Variants in LOC128125822 observed in about 807,000 individuals in gnomAD.
chr6:63,576,717 T>G, the LOC128125822 span: 1 of 624,682 alleles, frequency 1.6e-6, no homozygotes, highest in Non-Finnish European at 2.8e-6. Flanking sequence ...TGCTTCTTGT[T>G]AGGAGGTTCA....
chr6:63,579,293 T>C, the LOC128125822 span: 1 of 1,611,380 alleles, frequency 6.2e-7, no homozygotes, highest in Non-Finnish European at 8.5e-7. Flanking sequence ...TAATTGAAGG[T>C]GGAATGAAAT....
the LOC128125822 span, chr6:63,578,503 G>A: frequency 6.2e-7 from 1 of 1,612,188 alleles, no homozygotes. Context: ...CACTACTCTT[G>A]TGGAGAAAGA....
chr6:63,578,018 T>C, the LOC128125822 span, among the ~76,000 whole-genome samples: 1 of 151,942 alleles, frequency 6.6e-6, no homozygotes, highest in African/African-American at 2.4e-5. Context: ...AAGGAGTGAG[T>C]ATAATTGAGT....
chr6:63,576,855 A>G, the LOC128125822 span: 13 of 1,568,042 alleles, frequency 8.3e-6, no homozygotes, highest in Admixed American at 5.2e-5. Context: ...TCATAACCCT[A>G]TTGAGTGTTT....
chr6:63,576,141 A>G, the LOC128125822 span, among the ~76,000 whole-genome samples: 444 of 150,500 alleles, frequency 3.0e-3, 3 homozygotes, highest in African/African-American at 0.01. Flanking sequence ...TAGAATATAT[A>G]TGAATATATA....
chr6:63,573,190 C>T, the LOC128125822 span: 2 of 153,606 alleles, frequency 1.3e-5, no homozygotes, highest in East Asian at 1.9e-4. Context: ...AGTGGCTGCA[C>T]TGGGAGCGGG....
the LOC128125822 span, chr6:63,577,131 A>G: frequency 1.5e-5 from 10 of 653,786 alleles, no homozygotes; most frequent in Non-Finnish European, 2.4e-5. Context: ...TGTCTTCTAT[A>G]GGTTAGAGGT....
chr6:63,579,296 A>T, the LOC128125822 span: 1 of 1,611,352 alleles, frequency 6.2e-7, no homozygotes, highest in Non-Finnish European at 8.5e-7. Context: ...TTGAAGGTGG[A>T]ATGAAATACG....
the LOC128125822 span, among the ~76,000 whole-genome samples, chr6:63,574,650 T>G: frequency 2.0e-5 from 3 of 152,134 alleles, no homozygotes; most frequent in Admixed American, 6.6e-5. Flanking sequence ...ATGGAAATAG[T>G]GGTGTGAAAT....
the LOC128125822 span, chr6:63,581,283 A>G: frequency 6.6e-6 from 1 of 152,556 alleles, no homozygotes; most frequent in East Asian, 1.9e-4. Context: ...TTTATTATGT[A>G]ATTGATAAAA....
chr6:63,574,695 T>C, the LOC128125822 span, among the ~76,000 whole-genome samples: 1 of 152,192 alleles, frequency 6.6e-6, no homozygotes, highest in African/African-American at 2.4e-5. Context: ...GAAAAAAAGG[T>C]AATACCTAGA....
At chr6:63,575,464 G>A in the LOC128125822 span, among the ~76,000 whole-genome samples, 2 of 152,138 alleles carry the variant, frequency 1.3e-5, no homozygotes, top group Admixed American at 1.3e-4. Flanking sequence ...TTTGATATTG[G>A]CATAAAAATG....
chr6:63,576,370 C>T, the LOC128125822 span: 1 of 398,332 alleles, frequency 2.5e-6, no homozygotes, highest in Non-Finnish European at 4.4e-6. Flanking sequence ...AGTGTAAAAC[C>T]CTAATGTATT....
chr6:63,575,034 G>C, the LOC128125822 span, among the ~76,000 whole-genome samples: 319 of 152,288 alleles, frequency 2.1e-3, 1 homozygote, highest in African/African-American at 7.4e-3. Flanking sequence ...TGTTTTACCA[G>C]AAAAGTAGAC....
chr6:63,572,765 C>CCGGCCCCCCATCCCCGCT, the LOC128125822 span: 1 of 398,374 alleles, frequency 2.5e-6, no homozygotes, highest in Non-Finnish European at 4.4e-6. Context: ...GAATCCACGA[C>CCGGCCCCCCATCCCCGCT]CGGCCCCCCA....
At chr6:63,580,484 A>G in the LOC128125822 span, 2 of 220,680 alleles carry the variant, frequency 9.1e-6, no homozygotes, top group East Asian at 1.9e-4. Context: ...CCCATGCCAG[A>G]ATCTTATCAA....
the LOC128125822 span, chr6:63,580,789 T>C: frequency 6.6e-6 from 1 of 152,408 alleles, no homozygotes; most frequent in Admixed American, 6.6e-5. Flanking sequence ...TGTATCTCAC[T>C]TTGTGCTGTA....
chr6:63,582,378 G>A, the LOC128125822 span: 1 of 152,382 alleles, frequency 6.6e-6, no homozygotes, highest in Non-Finnish European at 1.5e-5. Context: ...TGCAGTGTTT[G>A]GATTGTATAT....
chr6:63,578,904 C>G, the LOC128125822 span: 1 of 1,557,968 alleles, frequency 6.4e-7, no homozygotes, highest in Non-Finnish European at 8.7e-7. Flanking sequence ...TTAGGATTGG[C>G]CTTTTGATGA....
Sources: gnomAD v4.1 joint callset for allele counts (sites outside exome capture counted in the v4.1 genomes callset) on GRCh38, gnomAD v4.1.1 for gene constraint, MANE v1.5 for transcripts.